The following ARID2 variants were observed in gnomAD, a reference collection of about 807,000 sequenced individuals.
ARID2 encodes the protein AT-rich interaction domain 2, also known as AT-rich interactive domain-containing protein 2.
ARID2 carries 32 observed loss-of-function variants against 184.6 expected under a neutral mutation model. That is an observed-to-expected ratio of 0.17 (90% confidence interval 0.13 to 0.23). The LOEUF is 0.23. ARID2 is among the 10% of genes least tolerant of loss of function. ARID2 has a pLI of 1.00. For synonymous variants in ARID2, 836 were observed against 772.6 expected (o/e 1.08, Z -1.36); for missense variants, 1,696 against 2,197.6 (o/e 0.77, Z 4.56).
At chr12:45,856,115 C>G (rs1280058008) in intron 15 of ARID2, among the ~76,000 whole-genome samples, 2 of 117,860 alleles carry the variant, frequency 1.7e-5, no homozygotes, top group Non-Finnish European at 3.3e-5. Flanking sequence ...CGCTCTGTTG[C>G]GTAGGCTGGA....
At chr12:45,880,466 A>T (rs537338182) in intron 16 of ARID2, among the ~76,000 whole-genome samples, 1 of 152,340 alleles carries the variant, frequency 6.6e-6, no homozygotes, top group East Asian at 1.9e-4. Flanking sequence ...AATTCCTCCT[A>T]AAGTTCCTAT....
intron 3 of ARID2, among the ~76,000 whole-genome samples, chr12:45,774,228 A>T (rs930586081): frequency 6.6e-5 from 10 of 152,148 alleles, no homozygotes; most frequent in Non-Finnish European, 1.3e-4. Context: ...TAATAATGTT[A>T]ATTTAAAGAC....
chr12:45,805,612 A>C (rs1033318292), intron 3 of ARID2, among the ~76,000 whole-genome samples: 3 of 152,106 alleles, frequency 2.0e-5, no homozygotes, highest in East Asian at 1.9e-4. Context: ...CATTTTAAAA[A>C]ATTTTCCAGC....
intron 3 of ARID2, among the ~76,000 whole-genome samples, chr12:45,764,011 A>C (rs1941725817): frequency 6.6e-6 from 1 of 152,154 alleles, no homozygotes. Context: ...CAGATGTAAA[A>C]ACAGAAAATA....
chr12:45,788,706 A>G (rs1024093938), intron 3 of ARID2, among the ~76,000 whole-genome samples: 4 of 152,154 alleles, frequency 2.6e-5, no homozygotes, highest in African/African-American at 9.7e-5. Flanking sequence ...TTTGTTTCCC[A>G]GCAGTGAGAG....
At chr12:45,864,350 T>C (rs776978494) in intron 16 of ARID2, among the ~76,000 whole-genome samples, 12 of 152,172 alleles carry the variant, frequency 7.9e-5, no homozygotes, top group Non-Finnish European at 1.8e-4. Flanking sequence ...ATATTATGAT[T>C]TCTTCTTATA....
intron 16 of ARID2, among the ~76,000 whole-genome samples, chr12:45,877,137 A>G (rs1204227877): frequency 6.6e-6 from 1 of 151,878 alleles, no homozygotes; most frequent in African/African-American, 2.4e-5. Flanking sequence ...ATAAAGCAAC[A>G]TGCAATAAAA....
At chr12:45,840,113 A>G (rs1168487613) in intron 11 of ARID2, 1 of 152,184 alleles carries the variant, frequency 6.6e-6, no homozygotes, top group African/African-American at 2.4e-5. Flanking sequence ...CCACTGGCTC[A>G]TTATGAGTCA....
intron 4 of ARID2, among the ~76,000 whole-genome samples, chr12:45,813,446 G>T (rs1343915422): frequency 7.3e-6 from 1 of 136,428 alleles, no homozygotes; most frequent in South Asian, 2.3e-4. Flanking sequence ...GTGTGTGTGC[G>T]TGCATGTGTT....
chr12:45,813,231 G>A (rs1266419675), intron 4 of ARID2, among the ~76,000 whole-genome samples: 1 of 152,026 alleles, frequency 6.6e-6, no homozygotes, highest in Non-Finnish European at 1.5e-5. Context: ...GGAACTGATG[G>A]GGAACATCAG....
chr12:45,808,522 G>A (rs557430783), intron 3 of ARID2, among the ~76,000 whole-genome samples: 1 of 152,164 alleles, frequency 6.6e-6, no homozygotes, highest in South Asian at 2.1e-4. Context: ...CAGAAATGAT[G>A]TATTTTTAAA....
At chr12:45,893,284 C>G (rs745348143) in intron 18 of ARID2, 136 bp from the exon 19 acceptor site, 3 of 1,045,508 alleles carry the variant, frequency 2.9e-6, no homozygotes, top group Non-Finnish European at 4.0e-6. Flanking sequence ...AATGCTAGAC[C>G]ATTGGACCTT....
At chr12:45,872,579 G>T (rs568190234) in intron 16 of ARID2, among the ~76,000 whole-genome samples, 18 of 152,298 alleles carry the variant, frequency 1.2e-4, no homozygotes, top group Admixed American at 5.9e-4. Flanking sequence ...ATGGCAGCAA[G>T]AGAGAGAAGT....
At chr12:45,834,696 C>T (rs902658411) in intron 6 of ARID2, among the ~76,000 whole-genome samples, 11 of 152,164 alleles carry the variant, frequency 7.2e-5, no homozygotes, top group African/African-American at 1.7e-4. Flanking sequence ...GCTGAGATCA[C>T]GCCATTGCAC....
intron 3 of ARID2, among the ~76,000 whole-genome samples, chr12:45,808,467 C>T (rs1942641436): frequency 1.3e-5 from 2 of 152,032 alleles, no homozygotes; most frequent in Non-Finnish European, 2.9e-5. Context: ...TGGAATTGTG[C>T]AAAGAATCTG....
At chr12:45,758,451 A>G (rs1256572359) in intron 3 of ARID2, among the ~76,000 whole-genome samples, 7 of 152,116 alleles carry the variant, frequency 4.6e-5, no homozygotes, top group East Asian at 3.9e-4. Flanking sequence ...GCCTAAGGCA[A>G]TTCTTCTTCC....
At chr12:45,900,154 A>G (rs1944439926) in intron 20 of ARID2, among the ~76,000 whole-genome samples, 1 of 151,968 alleles carries the variant, frequency 6.6e-6, no homozygotes, top group Admixed American at 6.6e-5. Context: ...TTTGCCTCCC[A>G]GGTTCAAGTG....
At chr12:45,844,630 T>G (rs1016693903) in intron 11 of ARID2, among the ~76,000 whole-genome samples, 1 of 152,214 alleles carries the variant, frequency 6.6e-6, no homozygotes, top group African/African-American at 2.4e-5. Context: ...CGTTACACTA[T>G]AACAATAATA....
At position 45,905,910 on chromosome 12, in the gene ARID2, T is replaced by A. The variant is rs554800789; in HGVS notation, c.*832T>A. ...CTGATGCTGTAAAGTCAAAACAGTTTTGTGGAACTGTGATTTTTTTTTCTT... is the reference window on the plus strand; with the variant it reads ...CTGATGCTGTAAAGTCAAAACAGTTATGTGGAACTGTGATTTTTTTTTCTT... On this transcript the variant is annotated 3_prime_UTR_variant, in exon 21 of 21. Transcript: ENST00000334344. The A allele has an allele frequency of 1.5e-4, 35 of 232,920 alleles. No individual in the cohort carries two copies. The highest frequency in any genetic ancestry group is 2.5e-4 in the Non-Finnish European group (30 of 117,804). The allele number at this position is 232,920 out of a possible 1,614,324, so 14.4% of individuals were successfully genotyped here. A position where few individuals can be genotyped will look rare whatever the true frequency, so the allele number is the denominator to read the frequency against.
Sources: gnomAD v4.1 joint callset for allele counts (sites outside exome capture counted in the v4.1 genomes callset) on GRCh38, gnomAD v4.1.1 for gene constraint, MANE v1.5 for transcripts, NCBI Gene and HGNC (gene_info 2026-07-23, HGNC 2026-07-21) for gene names.